The following KRT24 variants were observed in gnomAD, a reference collection of about 807,000 sequenced individuals.
KRT24 encodes keratin 24, also known as keratin, type I cytoskeletal 24.
A neutral mutation model predicts 51.7 loss-of-function variants in KRT24; 44 were observed. That is an observed-to-expected ratio of 0.85 (90% CI 0.67 to 1.09). KRT24 has a LOEUF of 1.09. Among genes scored for constraint, KRT24 ranks in the 50% least tolerant of loss-of-function variants. The pLI is 0.00. For synonymous variants in KRT24, 241 were observed against 249.5 expected, an observed-to-expected ratio of 0.97 and a Z score of 0.32; for missense variants, 633 against 647.0, an observed-to-expected ratio of 0.98 and a Z score of 0.24.
chr17:40,699,465 C>G lies in KRT24; in HGVS notation c.1340G>C (p.Arg447Pro), dbSNP rs200625015. ...RLEVEIETYR[R>P]LLDGEGGGSS... ...TTACCCTCCCTCTCCATCGAGCAGGCGGCGGTAGGTCTCGATCTCCACCTC... is the reference window on the plus strand; with the variant it reads ...TTACCCTCCCTCTCCATCGAGCAGGGGGCGGTAGGTCTCGATCTCCACCTC... Residue 447 changes from arginine (R) to proline (P), a missense_variant, in exon 6 of 8, where the codon CGC becomes CCC. Arg to Pro is a moderately radical substitution (Grantham distance 103). Coordinates refer to ENST00000264651, the MANE Select transcript of KRT24 (RefSeq NM_019016.3). 1 of 1,613,758 alleles carries G rather than the reference C, an allele frequency of 6.2e-7. No individual in the cohort carries two copies. The highest frequency in any genetic ancestry group is 2.2e-5 in the East Asian group (1 of 44,896).
chr17:40,698,105 AG>A lies in KRT24; in HGVS notation c.*131del. On this transcript the variant is annotated 3_prime_UTR_variant, in exon 8 of 8. Coordinates refer to ENST00000264651, the MANE Select transcript of KRT24 (RefSeq NM_019016.3). ...ATAAGAAGATGCAGAAAAGTTGGCT[AG>A]TCATCCATTTCTGGACTGAAGCTTT... 1 of 595,854 alleles carries A rather than the reference AG, an allele frequency of 1.7e-6. No homozygotes were observed. The highest frequency in any genetic ancestry group is 2.9e-6 in the Non-Finnish European group (1 of 339,052). 36.9% of individuals were successfully genotyped at this position (595,854 alleles called of 1,614,324 possible).
intron 1 of KRT24, among the ~76,000 whole-genome samples, chr17:40,702,782 TTAAAC>T (rs1409909674): frequency 2.0e-5 from 3 of 152,188 alleles, no homozygotes; most frequent in Admixed American, 1.3e-4. Flanking sequence ...AATAATTAGA[TTAAAC>T]TAATGTTGAC....
Position 40,703,472 on chromosome 17 carries a change from C to T in KRT24, c.222G>A (p.Gly74=). The T allele has an allele frequency of 2.5e-6, 2 of 787,460 alleles. No homozygotes were observed. Among genetic ancestry groups the T allele is most frequent in the Non-Finnish European group, 2.0e-6 (1 of 509,466 alleles). The allele number at this position is 787,460 out of a possible 1,614,324, so 48.8% of individuals were successfully genotyped here. Reference sequence around the variant, plus strand: ...AGCCTGAAGCTCCCCCAAAACCACCCCCTACTGAGCAGCTACCAAAGCCCC... The same window carrying T: ...AGCCTGAAGCTCCCCCAAAACCACCTCCTACTGAGCAGCTACCAAAGCCCC... ...FGGGFGSCSV[G]GGFGGASGSG... is the part of the protein sequence containing the mutation. Residue 74 remains glycine (G), a synonymous_variant, in exon 1 of 8, where the codon GGG becomes GGA. Coordinates refer to ENST00000264651, the MANE Select transcript of KRT24 (RefSeq NM_019016.3).
intron 5 of KRT24, 121 bp from the exon 6 acceptor site, chr17:40,699,782 C>A: frequency 1.0e-6 from 1 of 996,954 alleles, no homozygotes; most frequent in Non-Finnish European, 1.5e-6. Context: ...ATTGTTATAT[C>A]ATTGCTTCTT....
intron 2 of KRT24, among the ~76,000 whole-genome samples, 199 bp downstream of exon 2, chr17:40,701,649 GCAT>G (rs1255799820): frequency 1.4e-5 from 2 of 147,194 alleles, no homozygotes; most frequent in Non-Finnish European, 3.0e-5. Context: ...ACCTGCCCCA[GCAT>G]CAGTGGAGAT....
rs200845067 is a variant in KRT24 at position 40,703,116 on chromosome 17, C to T, written c.578G>A (p.Ser193Asn). 3 of 1,612,398 alleles carry T rather than the reference C, an allele frequency of 1.9e-6. No homozygotes were observed. In the African/African-American group the frequency reaches 4.0e-5, roughly 22 times the overall value. Residue 193 changes from serine to asparagine, a missense_variant, in exon 1 of 8, where the codon AGC (serine) becomes AAC (asparagine). By Grantham distance (46) the Ser-to-Asn change is conservative (BLOSUM62 1). Transcript: ENST00000264651. ...SGDGGSGRDY[S>N]KYYSIIEDLR... ...ATCTTCAATTATTGAATAGTATTTG[C>T]TATAATCTCTTCCCGATCCACCGTC... is the stretch of plus-strand genomic sequence containing the variant.
Position 40,703,071 on chromosome 17 carries a change from A to G in KRT24, c.615+8T>C. The G allele has an allele frequency of 4.4e-6, 7 of 1,575,494 alleles. No homozygotes were observed. The highest frequency in any genetic ancestry group is 6.0e-6 in the Non-Finnish European group (7 of 1,162,898). ...AAATAATAGAAACTCAGGCACAGAT[A>G]GTCTCACCTGGTTTCTGAGATCTTC... is the stretch of plus-strand genomic sequence containing the variant. On this transcript the variant is annotated splice_region_variant and intron_variant, in intron 1 of 7. Transcript: ENST00000264651.
rs761492060 is a variant in KRT24 at position 40,700,203 on chromosome 17, C to A, written c.1017+19G>T. ...TTGTGTGTGGCTACTGGCTTAGGTG[C>A]TCAGCAGAGAGGATCTACCTGCTTG... On this transcript the variant is annotated intron_variant, in intron 4 of 7. Transcript: ENST00000264651. 1.2e-6 allele frequency: 2 copies of A among 1,613,964 alleles called. No individual in the cohort carries two copies. Among genetic ancestry groups the A allele is most frequent in the Non-Finnish European group, 8.5e-7 (1 of 1,179,926 alleles).
At chr17:40,702,460 A>G (rs2037694897) in intron 1 of KRT24, among the ~76,000 whole-genome samples, 1 of 152,222 alleles carries the variant, frequency 6.6e-6, no homozygotes, top group South Asian at 2.1e-4. Flanking sequence ...TTCTGCAAAA[A>G]GATAACAGTC....
rs753146286 is a variant in KRT24 at position 40,701,168 on chromosome 17, A to G, written c.827T>C (p.Leu276Pro). Residue 276 changes from leucine (L) to proline (P), a missense_variant, in exon 3 of 8, where the codon CTA becomes CCA. Transcript: ENST00000264651. ...EMQIESFTEE[L>P]AYLRKNHEEE... ...CTCGTGGTTCTTCCTCAGGTAGGCT[A>G]GCTCCTCGGTGAAACTCTCAATCTG... 6.2e-7 allele frequency: 1 copy of G among 1,614,100 alleles called. No homozygotes were observed. The highest frequency in any genetic ancestry group is 8.5e-7 in the Non-Finnish European group (1 of 1,180,008).
intron 4 of KRT24, 25 bp from the exon 5 acceptor site, chr17:40,700,148 T>A: frequency 6.2e-7 from 1 of 1,614,122 alleles, no homozygotes; most frequent in Non-Finnish European, 8.5e-7. Flanking sequence ...AATGCAGCTG[T>A]TGTAGGCTGA....
Position 40,703,295 on chromosome 17 carries a change from C to G in KRT24, c.399G>C (p.Gly133=), listed in dbSNP as rs202202429. 1.9e-5 allele frequency: 31 copies of G among 1,613,866 alleles called. 1 individual carries two copies. Among genetic ancestry groups the G allele is most frequent in the Non-Finnish European group, 4.2e-6 (5 of 1,179,992 alleles). ...GCTTTTCCCCTCCAGAGAAAAGCCCCCCATCGCCAACACCACCTCCCATAC... is the reference window on the plus strand; with the variant it reads ...GCTTTTCCCCTCCAGAGAAAAGCCCGCCATCGCCAACACCACCTCCCATAC... ...GGGMGGGVGD[G]GLFSGGEKQT... Residue 133 remains glycine, a synonymous_variant, in exon 1 of 8, where the codon GGG becomes GGC. Transcript: ENST00000264651.
rs1289520599 is a variant in KRT24, at chr17:40,703,658, A to G, written c.36T>C (p.Ala12=). ...SCSSRASSSR[A]GGSSSARVSA... ...ACACCCTGGCTGAGCTGCTGCCTCCAGCCCTGGAGGAGGAGGCGCGAGACG... is the reference window on the plus strand; with the variant it reads ...ACACCCTGGCTGAGCTGCTGCCTCCGGCCCTGGAGGAGGAGGCGCGAGACG... The change falls in exon 1 of 8, where the codon GCT becomes GCC. Residue 12 remains alanine (A), a synonymous_variant. Coordinates refer to ENST00000264651, the MANE Select transcript of KRT24 (RefSeq NM_019016.3). 6.3e-7 allele frequency: 1 copy of G among 1,594,084 alleles called. No individual in the cohort carries two copies. The highest frequency in any genetic ancestry group is 8.5e-7 in the Non-Finnish European group (1 of 1,171,604).
intron 1 of KRT24, among the ~76,000 whole-genome samples, chr17:40,702,602 A>G (rs1164382296): frequency 2.6e-5 from 4 of 152,200 alleles, no homozygotes; most frequent in Non-Finnish European, 5.9e-5. Context: ...TTTCACTTCC[A>G]AAAAAGTCTT....
In KRT24 at chr17:40,699,354, T is replaced by C. The variant is rs2037646165; in HGVS notation, c.1361+90A>G. The C allele has an allele frequency of 9.3e-6, 9 of 964,532 alleles. No homozygotes were observed. In the Admixed American group the frequency reaches 1.4e-4, roughly 15 times the overall value. 59.7% of individuals were successfully genotyped at this position (964,532 alleles called of 1,614,324 possible). On this transcript the variant is annotated intron_variant, in intron 6 of 7. Coordinates refer to ENST00000264651, the MANE Select transcript of KRT24 (RefSeq NM_019016.3). ...GTCTGTTACTTTATTACTCTCTATA[T>C]ATACAAGTCTAAGCCCTGAGTCCCA...
At position 40,699,496 on chromosome 17, in the gene KRT24, G is replaced by A. The variant is rs542224558; in HGVS notation, c.1309C>T (p.Arg437Cys). The change falls in exon 6 of 8, where the codon CGC becomes TGC. Residue 437 changes from arginine (R) to cysteine (C), a missense_variant. Transcript: ENST00000264651. ...TAGGTCTCGATCTCCACCTCCAGGC[G>A]TGTCTTGATGTCCAGCAATTGCTTG... ...EYKQLLDIKT[R>C]LEVEIETYRR... The A allele has an allele frequency of 1.4e-5, 22 of 1,613,998 alleles. No individual in the cohort carries two copies. The highest frequency in any genetic ancestry group is 3.3e-4 in the Middle Eastern group (2 of 6,060).
chr17:40,702,980 T>A (rs1211315606), intron 1 of KRT24, 99 bp downstream of exon 1: 19 of 1,293,846 alleles, frequency 1.5e-5, no homozygotes, highest in Non-Finnish European at 1.7e-5. Context: ...CAAGCAAATA[T>A]GTTTTCAAAT....
At position 40,701,762 on chromosome 17, in the gene KRT24, TA is replaced by T. The variant is rs1567863085; in HGVS notation, c.698+88del. 8.4e-3 allele frequency: 366 copies of T among 43,798 alleles called. 13 individuals carry two copies. Among genetic ancestry groups the T allele is most frequent in the African/African-American group, 0.031 (256 of 8,366 alleles). The allele number at this position is 43,798 out of a possible 1,614,324, so 2.7% of individuals were successfully genotyped here. On this transcript the variant is annotated intron_variant, in intron 2 of 7. Coordinates refer to ENST00000264651, the MANE Select transcript of KRT24 (RefSeq NM_019016.3). The stretch of plus-strand genomic sequence containing the variant: ...ATATATATATATATATATATATATA[TA>T]TATATATATATATATATTTATTTAT...
At chr17:40,699,976 G>A in intron 5 of KRT24, 22 bp downstream of exon 5, 1 of 1,613,704 alleles carries the variant, frequency 6.2e-7, no homozygotes, top group Non-Finnish European at 8.5e-7. Flanking sequence ...GTTGGAAAAT[G>A]TGAAAAGCTA....
Sources: gnomAD v4.1 joint callset for allele counts (sites outside exome capture counted in the v4.1 genomes callset) on GRCh38, gnomAD v4.1.1 for gene constraint, MANE v1.5 for transcripts, NCBI Gene and HGNC (gene_info 2026-07-23, HGNC 2026-07-21) for gene names.